The following MECOM variants were observed in gnomAD, a reference collection of about 807,000 sequenced individuals.
The protein encoded by MECOM is MDS1 and EVI1 complex locus.
MECOM carries 13 observed loss-of-function variants against 116.3 expected under a neutral mutation model. The observed-to-expected ratio is 0.11, with a 90% CI of 0.07 to 0.18. The LOEUF is 0.18. Among genes scored for constraint, MECOM ranks in the 10% least tolerant of loss-of-function variants. The pLI is 1.00. For missense variants in MECOM, 1,299 were observed against 1,509.0 expected, an observed-to-expected ratio of 0.86 and a Z score of 2.31; for synonymous variants, 528 against 535.2, an observed-to-expected ratio of 0.99 and a Z score of 0.19.
At chr3:169,508,007 T>C (rs1056621445) in intron 1 of MECOM, among the ~76,000 whole-genome samples, 4 of 152,174 alleles carry the variant, frequency 2.6e-5, no homozygotes, top group Non-Finnish European at 5.9e-5. Context: ...TTGTTTAGCC[T>C]CTTAAATCAC....
At chr3:169,343,988 G>A (rs1192470612) in intron 2 of MECOM, among the ~76,000 whole-genome samples, 1 of 151,880 alleles carries the variant, frequency 6.6e-6, no homozygotes, top group Non-Finnish European at 1.5e-5. Context: ...CTAACCTGAA[G>A]ACATAAAATT....
chr3:169,369,875 C>T (rs1275456629), intron 2 of MECOM, among the ~76,000 whole-genome samples: 1 of 151,900 alleles, frequency 6.6e-6, no homozygotes, highest in Non-Finnish European at 1.5e-5. Context: ...TATAGTAATA[C>T]ACATTTGTTA....
At chr3:169,278,882 T>C (rs1282037159) in intron 2 of MECOM, among the ~76,000 whole-genome samples, 1 of 152,198 alleles carries the variant, frequency 6.6e-6, no homozygotes, top group Admixed American at 6.5e-5. Context: ...TCCAGTTTTT[T>C]CCAGAGGTGT....
At chr3:169,626,442 T>G (rs1560508347) in intron 1 of MECOM, among the ~76,000 whole-genome samples, 1 of 152,236 alleles carries the variant, frequency 6.6e-6, no homozygotes, top group Non-Finnish European at 1.5e-5. Flanking sequence ...ACAGGAAATT[T>G]AATTCATAAA....
intron 2 of MECOM, among the ~76,000 whole-genome samples, chr3:169,275,916 C>CT (rs898194963): frequency 7.9e-5 from 12 of 152,100 alleles, no homozygotes; most frequent in South Asian, 2.1e-4. Flanking sequence ...AACATGTATT[C>CT]TTTTTTTTAA....
intron 2 of MECOM, among the ~76,000 whole-genome samples, chr3:169,272,913 AG>A (rs1577544873): frequency 6.6e-6 from 1 of 152,124 alleles, no homozygotes; most frequent in African/African-American, 2.4e-5. Context: ...AGGGCAGAGG[AG>A]GGGAGGCAGG....
At chr3:169,140,436 C>T (rs2149267099) in intron 3 of MECOM, among the ~76,000 whole-genome samples, 1 of 152,090 alleles carries the variant, frequency 6.6e-6, no homozygotes, top group South Asian at 2.1e-4. Flanking sequence ...TAGCTTCTTT[C>T]ATAGAGGTAA....
chr3:169,370,816 A>G (rs1729961442), intron 2 of MECOM, among the ~76,000 whole-genome samples: 1 of 152,008 alleles, frequency 6.6e-6, no homozygotes, highest in African/African-American at 2.4e-5. Flanking sequence ...ATGGAAACGC[A>G]AATCAAAAAA....
chr3:169,579,308 G>A (rs1044814523), intron 1 of MECOM, among the ~76,000 whole-genome samples: 3 of 152,108 alleles, frequency 2.0e-5, no homozygotes, highest in Admixed American at 1.3e-4. Flanking sequence ...GTTGAATTTA[G>A]GTTTTGAGTG....
chr3:169,411,404 A>G (rs1488478770), intron 1 of MECOM, among the ~76,000 whole-genome samples: 1 of 152,254 alleles, frequency 6.6e-6, no homozygotes, highest in African/African-American at 2.4e-5. Flanking sequence ...TTCATGCTAT[A>G]GAAAAATCCT....
In MECOM at chr3:169,461,511, G is replaced by T. The variant is rs9857141; in HGVS notation, c.38-79987C>A. Among the ~76,000 whole-genome samples, 871 of 152,168 alleles carry T rather than the reference G, an allele frequency of 5.7e-3. 9 individuals are homozygous for T. The highest frequency in any genetic ancestry group is 0.02 in the African/African-American group (838 of 41,518). ...AATATGAAAAATTTAAGTTTTCAGAGATTTGGTGAAGGTCATTTAGCCAAT... is the reference window on the plus strand; with the variant it reads ...AATATGAAAAATTTAAGTTTTCAGATATTTGGTGAAGGTCATTTAGCCAAT... On this transcript the variant is annotated intron_variant, in intron 1 of 16. Coordinates refer to ENST00000651503, the MANE Select transcript of MECOM (RefSeq NM_004991.4).
chr3:169,165,813 G>C (rs529249244), intron 2 of MECOM, among the ~76,000 whole-genome samples: 1 of 152,146 alleles, frequency 6.6e-6, no homozygotes, highest in African/African-American at 2.4e-5. Context: ...CTGCTGATTT[G>C]CACCCAAGGA....
chr3:169,219,273 G>A (rs1485765274), intron 2 of MECOM, among the ~76,000 whole-genome samples: 7 of 152,308 alleles, frequency 4.6e-5, no homozygotes, highest in African/African-American at 1.2e-4. Context: ...TCGGGAGGCC[G>A]AGGAGGGTGG....
At chr3:169,339,527 T>A (rs1332883395) in intron 2 of MECOM, among the ~76,000 whole-genome samples, 4 of 152,208 alleles carry the variant, frequency 2.6e-5, no homozygotes, top group Non-Finnish European at 5.9e-5. Flanking sequence ...AAAAGTGTGA[T>A]CCCTGGACCA....
At chr3:169,659,544 CG>C (rs1776001070) in intron 1 of MECOM, among the ~76,000 whole-genome samples, 1 of 143,368 alleles carries the variant, frequency 7.0e-6, no homozygotes, top group African/African-American at 2.6e-5. Flanking sequence ...GCCCTAAGCC[CG>C]GGTAATGGTC....
intron 1 of MECOM, among the ~76,000 whole-genome samples, chr3:169,483,206 T>TA (rs1553866591): frequency 7.7e-6 from 1 of 129,128 alleles, no homozygotes; most frequent in Non-Finnish European, 1.6e-5. Flanking sequence ...ATTTTTATTT[T>TA]TTTTTTTTTT....
chr3:169,341,012 G>T (rs1724410709), intron 2 of MECOM, among the ~76,000 whole-genome samples: 1 of 152,158 alleles, frequency 6.6e-6, no homozygotes, highest in African/African-American at 2.4e-5. Flanking sequence ...CTGAACATTA[G>T]ACAGACATGG....
intron 5 of MECOM, among the ~76,000 whole-genome samples, chr3:169,126,523 A>C (rs1027429848): frequency 3.3e-5 from 5 of 152,068 alleles, no homozygotes; most frequent in African/African-American, 4.8e-5. Flanking sequence ...TTTACTAAAC[A>C]TACATAATTG....
intron 12 of MECOM, among the ~76,000 whole-genome samples, chr3:169,100,288 A>C (rs1723153120): frequency 6.6e-6 from 1 of 151,552 alleles, no homozygotes; most frequent in African/African-American, 2.4e-5. Context: ...TGGTAGACAC[A>C]GGGTTTCACC....
Sources: allele counts gnomAD v4.1 joint callset (sites outside exome capture counted in the v4.1 genomes callset), GRCh38; gene constraint gnomAD v4.1.1; transcripts MANE v1.5; gene names NCBI Gene and HGNC (gene_info 2026-07-23, HGNC 2026-07-21).